Variants in XKR6 observed in about 807,000 individuals in gnomAD.
The protein encoded by XKR6 is XK-related protein 6.
XKR6 carries 22 observed loss-of-function variants against 56.7 expected under a neutral mutation model. The observed-to-expected ratio is 0.39, with a 90% CI of 0.28 to 0.55. The LOEUF is 0.55. Ranked by LOEUF, XKR6 falls within the 20% of genes least tolerant of loss-of-function variation. XKR6 has a pLI of 0.66. For synonymous variants in XKR6, 524 were observed against 387.8 expected (o/e 1.35, Z -4.13); for missense variants, 852 against 889.0 (o/e 0.96, Z 0.53).
At chr8:11,125,234 G>A (rs1054543625) in intron 1 of XKR6, among the ~76,000 whole-genome samples, 1 of 152,146 alleles carries the variant, frequency 6.6e-6, no homozygotes, top group Admixed American at 6.5e-5. Flanking sequence ...ACCAAGCTGA[G>A]GACCGGAGGC....
At chr8:11,074,285 G>A (rs1337078745) in intron 1 of XKR6, among the ~76,000 whole-genome samples, 3 of 152,158 alleles carry the variant, frequency 2.0e-5, no homozygotes, top group Admixed American at 6.5e-5. Context: ...GCCGTTTCCC[G>A]GCCTTGGGTC....
At chr8:11,118,542 TG>T (rs1164303538) in intron 1 of XKR6, among the ~76,000 whole-genome samples, 3 of 152,168 alleles carry the variant, frequency 2.0e-5, no homozygotes, top group Non-Finnish European at 4.4e-5. Context: ...CCTGGGAGAG[TG>T]TATGTGTCAA....
chr8:10,983,664 T>G (rs982382956), intron 1 of XKR6, among the ~76,000 whole-genome samples: 2 of 125,832 alleles, frequency 1.6e-5, no homozygotes, highest in African/African-American at 1.1e-4. Context: ...TTTTTTTTGT[T>G]TTTTTTTTTG....
intron 1 of XKR6, among the ~76,000 whole-genome samples, chr8:10,980,382 G>C (rs79599087): frequency 6.6e-6 from 1 of 152,328 alleles, no homozygotes; most frequent in East Asian, 1.9e-4. Flanking sequence ...GTGACAGGGA[G>C]CTATCAACAG....
At chr8:11,097,726 G>C (rs987960748) in intron 1 of XKR6, among the ~76,000 whole-genome samples, 1 of 144,262 alleles carries the variant, frequency 6.9e-6, no homozygotes, top group Admixed American at 7.1e-5. Context: ...AGAATCGCTT[G>C]AACCCAGGAG....
chr8:11,120,898 C>G (rs1799419386), intron 1 of XKR6, among the ~76,000 whole-genome samples: 1 of 152,158 alleles, frequency 6.6e-6, no homozygotes, highest in Non-Finnish European at 1.5e-5. Context: ...CTACAACTAT[C>G]TGATCTTTGA....
intron 1 of XKR6, among the ~76,000 whole-genome samples, chr8:11,135,737 A>C (rs763669656): frequency 2.0e-5 from 3 of 152,074 alleles, no homozygotes; most frequent in Non-Finnish European, 2.9e-5. Flanking sequence ...AAAATTAAAG[A>C]AGGAAAAGGA....
At chr8:11,136,067 A>AT (rs1359885998) in intron 1 of XKR6, among the ~76,000 whole-genome samples, 1 of 151,988 alleles carries the variant, frequency 6.6e-6, no homozygotes, top group Non-Finnish European at 1.5e-5. Flanking sequence ...AATTATTGCC[A>AT]TTTTTTTTCT....
chr8:11,132,961 G>A (rs57640274), intron 1 of XKR6, among the ~76,000 whole-genome samples: 1 of 151,702 alleles, frequency 6.6e-6, no homozygotes, highest in Non-Finnish European at 1.5e-5. Flanking sequence ...TAAAAAAGAA[G>A]AGTTAAAAAT....
At chr8:11,196,872 A>C (rs1388538057) in intron 1 of XKR6, among the ~76,000 whole-genome samples, 2 of 152,216 alleles carry the variant, frequency 1.3e-5, no homozygotes, top group African/African-American at 4.8e-5. Flanking sequence ...AAGACCCATA[A>C]TAAACTAAGT....
At chr8:11,060,290 G>A (rs1431382013) in intron 1 of XKR6, among the ~76,000 whole-genome samples, 5 of 152,088 alleles carry the variant, frequency 3.3e-5, no homozygotes, top group Non-Finnish European at 1.5e-5. Flanking sequence ...CCAGCAGCAG[G>A]GCTTTCCCTT....
chr8:11,118,725 G>T (rs1483558869), intron 1 of XKR6, among the ~76,000 whole-genome samples: 1 of 151,994 alleles, frequency 6.6e-6, no homozygotes, highest in Non-Finnish European at 1.5e-5. Context: ...CTTGCTAGTG[G>T]TCTATCAATT....
intron 1 of XKR6, among the ~76,000 whole-genome samples, chr8:11,126,574 T>G (rs1799809992): frequency 2.0e-5 from 3 of 152,158 alleles, no homozygotes; most frequent in Admixed American, 2.0e-4. Flanking sequence ...CGCAGGGCCA[T>G]GTCACTTAAG....
chr8:11,037,556 C>T (rs1365018606), intron 1 of XKR6, among the ~76,000 whole-genome samples: 5 of 152,140 alleles, frequency 3.3e-5, no homozygotes, highest in African/African-American at 4.8e-5. Context: ...CTGTGTTACA[C>T]GCATGTAAAA....
intron 1 of XKR6, among the ~76,000 whole-genome samples, chr8:11,155,022 G>A (rs1179813919): frequency 2.0e-5 from 3 of 152,174 alleles, no homozygotes; most frequent in Non-Finnish European, 4.4e-5. Context: ...CATATTATCC[G>A]AGCTGCGTTA....
intron 1 of XKR6, among the ~76,000 whole-genome samples, chr8:10,999,778 G>A (rs1300840191): frequency 6.6e-6 from 1 of 152,210 alleles, no homozygotes; most frequent in Non-Finnish European, 1.5e-5. Context: ...ATGCCGTTGG[G>A]TTGATGCAGG....
At chr8:11,034,833 A>G (rs1366817993) in intron 1 of XKR6, among the ~76,000 whole-genome samples, 1 of 152,166 alleles carries the variant, frequency 6.6e-6, no homozygotes, top group African/African-American at 2.4e-5. Flanking sequence ...GTCCCCACCC[A>G]GCACACCCAT....
At chr8:11,092,968 C>A (rs915002975) in intron 1 of XKR6, among the ~76,000 whole-genome samples, 1 of 152,222 alleles carries the variant, frequency 6.6e-6, no homozygotes, top group Non-Finnish European at 1.5e-5. Context: ...CAGCCCTTGA[C>A]TACCCACAGT....
intron 1 of XKR6, among the ~76,000 whole-genome samples, chr8:11,158,898 G>C (rs548760815): frequency 1.2e-4 from 19 of 152,278 alleles, no homozygotes; most frequent in Admixed American, 9.2e-4. Context: ...TACAAGCCAA[G>C]AACATAAAAT....
Sources: gnomAD v4.1 joint callset for allele counts (sites outside exome capture counted in the v4.1 genomes callset) on GRCh38, gnomAD v4.1.1 for gene constraint, MANE v1.5 for transcripts, NCBI Gene and HGNC (gene_info 2026-07-23, HGNC 2026-07-21) for gene names.